CAMTA1: variants seen among roughly 807,000 people sequenced by gnomAD.
CAMTA1 encodes the protein calmodulin binding transcription activator 1.
A neutral mutation model predicts 170.9 loss-of-function variants in CAMTA1; 27 were observed. The observed-to-expected ratio is 0.16, with a 90% CI of 0.12 to 0.22. The LOEUF is 0.22. Ranked by LOEUF, CAMTA1 falls within the 10% of genes least tolerant of loss-of-function variation. The pLI, the probability that CAMTA1 is intolerant of heterozygous loss-of-function variation, is 1.00. For synonymous variants in CAMTA1, 833 were observed against 891.5 expected, an observed-to-expected ratio of 0.93 and a Z score of 1.17; for missense variants, 1,619 against 2,217.2, an observed-to-expected ratio of 0.73 and a Z score of 5.42.
chr1:7,125,484 T>A (rs1644878283), intron 4 of CAMTA1, among the ~76,000 whole-genome samples: 1 of 152,060 alleles, frequency 6.6e-6, no homozygotes, highest in African/African-American at 2.4e-5. Context: ...GAGACCATGA[T>A]GGGTGGCATA....
intron 1 of CAMTA1, among the ~76,000 whole-genome samples, chr1:6,809,858 C>G (rs1644966711): frequency 6.6e-6 from 1 of 152,006 alleles, no homozygotes; most frequent in Non-Finnish European, 1.5e-5. Context: ...GTTGAGTAGA[C>G]TGAAGACTAA....
At chr1:7,546,070 C>T (rs1212327856) in intron 6 of CAMTA1, among the ~76,000 whole-genome samples, 1 of 152,052 alleles carries the variant, frequency 6.6e-6, no homozygotes, top group African/African-American at 2.4e-5. Context: ...AGTCTCCTGC[C>T]TCAGTCTCCC....
At position 7,464,113 on chromosome 1, in the gene CAMTA1, G is replaced by A. The variant is rs189339074; in HGVS notation, c.439-3717G>A. ...AATTCCCCAATACAACTGATTCAAA[G>A]GTTGCTTTCATCTGAAAGGTGATGT... On this transcript the variant is annotated intron_variant, in intron 5 of 22. Coordinates refer to ENST00000303635, the MANE Select transcript of CAMTA1 (RefSeq NM_015215.4). Among the ~76,000 whole-genome samples, 418 of 152,290 alleles carry A rather than the reference G, an allele frequency of 2.7e-3. 1 individual carries two copies. Among genetic ancestry groups the A allele is most frequent in the Non-Finnish European group, 2.5e-3 (170 of 68,028 alleles).
chr1:7,376,956 G>A (rs888277903), intron 5 of CAMTA1, among the ~76,000 whole-genome samples: 10 of 152,176 alleles, frequency 6.6e-5, no homozygotes, highest in Non-Finnish European at 8.8e-5. Flanking sequence ...CACAGATTCG[G>A]ATCTGTCTGG....
chr1:7,433,602 G>T (rs2092252919), intron 5 of CAMTA1, among the ~76,000 whole-genome samples: 2 of 152,246 alleles, frequency 1.3e-5, no homozygotes, highest in African/African-American at 4.8e-5. Context: ...TGAGCACCTG[G>T]AGGAACCCCC....
chr1:7,308,491 G>T (rs1229013497), intron 5 of CAMTA1, among the ~76,000 whole-genome samples: 1 of 151,956 alleles, frequency 6.6e-6, no homozygotes, highest in East Asian at 1.9e-4. Context: ...TTAATAAGAT[G>T]AATTTTCCTC....
intron 5 of CAMTA1, among the ~76,000 whole-genome samples, chr1:7,345,005 C>A (rs1018593330): frequency 1.3e-5 from 2 of 152,114 alleles, no homozygotes; most frequent in African/African-American, 4.8e-5. Flanking sequence ...CCTGCCTCGG[C>A]CTCCCAAAGT....
At chr1:7,423,541 C>G (rs890251092) in intron 5 of CAMTA1, among the ~76,000 whole-genome samples, 2 of 151,838 alleles carry the variant, frequency 1.3e-5, no homozygotes, top group African/African-American at 4.8e-5. Flanking sequence ...AGCCTCCCCC[C>G]GCCGGGTGTC....
In CAMTA1 at chr1:7,460,823, A is replaced by G. The variant is rs144723069; in HGVS notation, c.439-7007A>G. Reference sequence around the variant, plus strand: ...GATAAACCAAGCACCAACAAAATCTATGTTCTCTCTGATTGCCTTTGTGTA... The same window carrying G: ...GATAAACCAAGCACCAACAAAATCTGTGTTCTCTCTGATTGCCTTTGTGTA... On this transcript the variant is annotated intron_variant, in intron 5 of 22. Coordinates refer to ENST00000303635, the MANE Select transcript of CAMTA1 (RefSeq NM_015215.4). Among the ~76,000 whole-genome samples, 614 of 152,260 alleles carry G rather than the reference A, an allele frequency of 4.0e-3. 3 individuals are homozygous for G. The highest frequency in any genetic ancestry group is 0.014 in the African/African-American group (587 of 41,550).
At chr1:7,679,585 C>A (rs944361734) in intron 11 of CAMTA1, among the ~76,000 whole-genome samples, 1 of 151,928 alleles carries the variant, frequency 6.6e-6, no homozygotes, top group Non-Finnish European at 1.5e-5. Context: ...GCCCCCCCCC[C>A]CAGAACTTTG....
intron 4 of CAMTA1, among the ~76,000 whole-genome samples, chr1:7,179,254 G>A (rs1213899735): frequency 6.6e-6 from 1 of 152,130 alleles, no homozygotes; most frequent in Non-Finnish European, 1.5e-5. Context: ...AATAACACAG[G>A]AACCACCTTT....
At chr1:6,906,268 G>A (rs77956765) in intron 3 of CAMTA1, among the ~76,000 whole-genome samples, 2 of 152,076 alleles carry the variant, frequency 1.3e-5, no homozygotes, top group African/African-American at 4.8e-5. Context: ...GGTCTTTCTG[G>A]ATATAGAGGT....
Position 7,360,912 on chromosome 1 carries a change from G to A in CAMTA1, c.439-106918G>A, listed in dbSNP as rs141411422. 3.3e-4 allele frequency among the ~76,000 whole-genome samples: 50 copies of A among 152,324 alleles called. No individual in the cohort carries two copies. The East Asian group carries it at 7.3e-3, about 22-fold the overall frequency. On this transcript the variant is annotated intron_variant, in intron 5 of 22. Transcript: ENST00000303635. ...GTTTACTGCTGAACTTAATAGGGTC[G>A]TTTTCTGCTTCACATAAATCTGTCT...
At chr1:7,161,816 A>T (rs1204700051) in intron 4 of CAMTA1, among the ~76,000 whole-genome samples, 6 of 152,310 alleles carry the variant, frequency 3.9e-5, no homozygotes, top group Non-Finnish European at 5.9e-5. Flanking sequence ...AGGACGGGCA[A>T]GGGTCTCATT....
At chr1:7,596,552 T>A (rs900148283) in intron 6 of CAMTA1, among the ~76,000 whole-genome samples, 1 of 152,096 alleles carries the variant, frequency 6.6e-6, no homozygotes, top group Admixed American at 6.5e-5. Context: ...TTCCCTCCAC[T>A]CAGGGCCATG....
chr1:7,423,424 G>A (rs551000664), intron 5 of CAMTA1, among the ~76,000 whole-genome samples: 2 of 147,896 alleles, frequency 1.4e-5, no homozygotes, highest in East Asian at 4.0e-4. Flanking sequence ...AGCCAAGATT[G>A]TGCCACTGCA....
intron 5 of CAMTA1, among the ~76,000 whole-genome samples, chr1:7,298,335 C>CA (rs2149536127): frequency 9.8e-3 from 1 of 102 alleles, no homozygotes; most frequent in South Asian, 0.25. Context: ...CCCCACCCCG[C>CA]AGGTCTTTTC....
chr1:7,668,431 A>ACACC (rs1553241621), intron 9 of CAMTA1, among the ~76,000 whole-genome samples: 1 of 123,162 alleles, frequency 8.1e-6, no homozygotes, highest in Non-Finnish European at 1.6e-5. Flanking sequence ...ACACACACAC[A>ACACC]CCCACCACAC....
intron 3 of CAMTA1, among the ~76,000 whole-genome samples, chr1:6,863,837 T>C (rs1346702755): frequency 3.3e-5 from 5 of 152,224 alleles, no homozygotes. Flanking sequence ...AGTCTTGTTC[T>C]TTTTCAGAAT....
Sources: allele counts gnomAD v4.1 joint callset (sites outside exome capture counted in the v4.1 genomes callset), GRCh38; gene constraint gnomAD v4.1.1; transcripts MANE v1.5; gene names NCBI Gene and HGNC (gene_info 2026-07-23, HGNC 2026-07-21).